The following COL1A2 variants were observed in gnomAD, a reference collection of about 807,000 sequenced individuals.
The protein encoded by COL1A2 is collagen alpha-2(I) chain.
Under a neutral mutation model 174.3 loss-of-function variants are expected in COL1A2, and 49 were observed. That is an observed-to-expected ratio of 0.28 (90% CI 0.22 to 0.36). COL1A2 has a LOEUF of 0.36. Ranked by LOEUF, COL1A2 falls within the 10% of genes least tolerant of loss-of-function variation. The pLI is 1.00. For missense variants in COL1A2, 1,438 were observed against 1,822.7 expected (o/e 0.79, Z 3.84); for synonymous variants, 655 against 606.6 (o/e 1.08, Z -1.17).
In COL1A2 at chr7:94,408,802, C is replaced by A; in HGVS notation, c.771C>A (p.Phe257Leu). 2 of 1,612,688 alleles carry A rather than the reference C, an allele frequency of 1.2e-6. No homozygotes were observed. Among genetic ancestry groups the A allele is most frequent in the Non-Finnish European group, 1.7e-6 (2 of 1,179,460 alleles). ...TTGGGTCTGCTGGCCCTCCAGGCTT[C>A]CCAGGTGCCCCTGGCCCCAAGGTAA... ...GPIGSAGPPG[F>L]PGAPGPKGEI... The change falls in exon 16 of 52, where the codon TTC becomes TTA. Residue 257 changes from phenylalanine to leucine, a missense_variant. Coordinates refer to ENST00000297268, the MANE Select transcript of COL1A2 (RefSeq NM_000089.4).
At chr7:94,397,560 G>A (rs1484712182) in intron 1 of COL1A2, among the ~76,000 whole-genome samples, 188 bp from the exon 2 acceptor site, 1 of 151,692 alleles carries the variant, frequency 6.6e-6, no homozygotes, top group Non-Finnish European at 1.5e-5. Flanking sequence ...AAATCACCCT[G>A]CTGATCCCTG....
intron 40 of COL1A2, 154 bp downstream of exon 40, chr7:94,423,272 A>AG: frequency 2.3e-6 from 2 of 865,816 alleles, no homozygotes; most frequent in East Asian, 5.3e-5. Flanking sequence ...GCACACACTG[A>AG]GGGGCTGTGG....
intron 50 of COL1A2, among the ~76,000 whole-genome samples, chr7:94,428,805 T>C (rs754877344): frequency 2.0e-5 from 3 of 152,240 alleles, no homozygotes; most frequent in Admixed American, 6.5e-5. Flanking sequence ...TTTTCTGAAT[T>C]TTTAATCAAA....
intron 50 of COL1A2, 109 bp downstream of exon 50, chr7:94,428,586 G>T (rs1188850581): frequency 3.8e-6 from 4 of 1,063,728 alleles, no homozygotes; most frequent in Non-Finnish European, 5.6e-6. Flanking sequence ...ATTAAAAAAA[G>T]ACCTGTTCCT....
At chr7:94,414,109 C>T (rs757535485) in intron 28 of COL1A2, 113 bp from the exon 29 acceptor site, 11 of 1,312,752 alleles carry the variant, frequency 8.4e-6, no homozygotes, top group Admixed American at 1.8e-5. Flanking sequence ...TGCTTAATAA[C>T]ATACAATCGT....
At chr7:94,423,284 T>G (rs1031474763) in intron 40 of COL1A2, 166 bp downstream of exon 40, 13 of 770,112 alleles carry the variant, frequency 1.7e-5, no homozygotes, top group African/African-American at 3.5e-5. Context: ...GGGCTGTGGC[T>G]TCCAAGATGC....
rs754562962 is a variant in COL1A2 at position 94,421,931 on chromosome 7, G to C, written c.2382G>C (p.Arg794=). Residue 794 remains arginine, a synonymous_variant, in exon 39 of 52, where the codon CGG becomes CGC. Coordinates refer to ENST00000297268, the MANE Select transcript of COL1A2 (RefSeq NM_000089.4). The part of the protein sequence containing the change: ...GMTGFPGAAG[R]TGPPGPSGIS... ...CTGGTTTCCCTGGTGCTGCTGGACG[G>C]ACTGGTCCCCCAGGACCCTCTGTAA... 3.7e-6 allele frequency: 6 copies of C among 1,614,100 alleles called. No individual in the cohort carries two copies. In the Admixed American group the frequency reaches 1.0e-4, roughly 27 times the overall value.
At chr7:94,408,035 A>AT in intron 13 of COL1A2, 144 bp downstream of exon 13, 2 of 1,161,828 alleles carry the variant, frequency 1.7e-6, no homozygotes, top group Non-Finnish European at 2.5e-6. Context: ...CTTAATTGAA[A>AT]TCCACTACTG....
At chr7:94,426,205 T>C (rs904266581) in intron 45 of COL1A2, among the ~76,000 whole-genome samples, 154 bp downstream of exon 45, 2 of 152,248 alleles carry the variant, frequency 1.3e-5, no homozygotes, top group African/African-American at 4.8e-5. Context: ...ACTTGAGCTA[T>C]TTTAAATCTC....
At chr7:94,398,860 A>AG (rs1426774494) in intron 3 of COL1A2, among the ~76,000 whole-genome samples, 189 bp from the exon 4 acceptor site, 4 of 152,144 alleles carry the variant, frequency 2.6e-5, no homozygotes, top group African/African-American at 9.6e-5. Flanking sequence ...AGCTGAAAAA[A>AG]AATTACGTAT....
In COL1A2 at chr7:94,395,769, G is replaced by C. The variant is rs57703640; in HGVS notation, c.70+668G>C. Among the ~76,000 whole-genome samples the C allele has an allele frequency of 1.1e-3, 175 of 152,198 alleles. 1 individual carries two copies. The highest frequency in any genetic ancestry group is 4.0e-3 in the African/African-American group (165 of 41,502). ...TCCCAGTGGCTAGTCAGTGAACCCTGGAAAGAAGAATGGATGCTACTTGGA... is the reference window on the plus strand; with the variant it reads ...TCCCAGTGGCTAGTCAGTGAACCCTCGAAAGAAGAATGGATGCTACTTGGA... On this transcript the variant is annotated intron_variant, in intron 1 of 51. Transcript: ENST00000297268.
intron 16 of COL1A2, among the ~76,000 whole-genome samples, 192 bp downstream of exon 16, chr7:94,409,015 C>T (rs1791861869): frequency 6.6e-6 from 1 of 152,040 alleles, no homozygotes; most frequent in South Asian, 2.1e-4. Flanking sequence ...CTGCACTGTG[C>T]ACTGTGCCCA....
intron 34 of COL1A2, 53 bp downstream of exon 34, chr7:94,419,604 C>T (rs975804378): frequency 1.3e-6 from 2 of 1,598,642 alleles, no homozygotes. Flanking sequence ...TTCCCGCCTT[C>T]CCTAGTCCCA....
intron 15 of COL1A2, 109 bp from the exon 16 acceptor site, chr7:94,408,661 A>G: frequency 8.3e-7 from 1 of 1,199,646 alleles, no homozygotes. Flanking sequence ...TTTCTTTACT[A>G]ATATAAACAG....
chr7:94,413,668 C>T, intron 26 of COL1A2, 22 bp from the exon 27 acceptor site: 1 of 1,613,210 alleles, frequency 6.2e-7, no homozygotes, highest in Non-Finnish European at 8.5e-7. Context: ...TAACCATCAG[C>T]CTTTCTGTTA....
intron 51 of COL1A2, 122 bp downstream of exon 51, chr7:94,429,552 C>G: frequency 1.0e-6 from 1 of 967,506 alleles, no homozygotes; most frequent in Non-Finnish European, 1.6e-6. Flanking sequence ...AGAGAACTAA[C>G]TTATTTCATA....
chr7:94,409,409 G>A lies in COL1A2; in HGVS notation c.880G>A (p.Val294Ile), dbSNP rs145693444. ...EVGLPGLSGP[V>I]GPPGNPGANG... is the part of the protein sequence containing the mutation. Reference sequence around the variant, plus strand: ...GGGTCTTCCAGGCCTCTCCGGCCCCGTTGGACCTCCTGTAAGTAGCCACTG... The same window carrying A: ...GGGTCTTCCAGGCCTCTCCGGCCCCATTGGACCTCCTGTAAGTAGCCACTG... Residue 294 changes from valine (V) to isoleucine (I), a missense_variant, in exon 17 of 52, where the codon GTT (valine) becomes ATT (isoleucine). Physicochemically the swap from Val to Ile is conservative, Grantham distance 29. Coordinates refer to ENST00000297268, the MANE Select transcript of COL1A2 (RefSeq NM_000089.4). The A allele has an allele frequency of 4.2e-5, 68 of 1,614,044 alleles. No individual in the cohort carries two copies. Among genetic ancestry groups the A allele is most frequent in the Admixed American group, 2.5e-4 (15 of 59,992 alleles).
intron 46 of COL1A2, 64 bp downstream of exon 46, chr7:94,426,594 T>G (rs1241335140): frequency 3.2e-6 from 4 of 1,236,604 alleles, no homozygotes; most frequent in Non-Finnish European, 4.7e-6. Context: ...CAGAAGGATT[T>G]TCATATTTTC....
chr7:94,403,858 T>C (rs529268921), intron 6 of COL1A2, among the ~76,000 whole-genome samples: 8 of 152,314 alleles, frequency 5.3e-5, no homozygotes, highest in African/African-American at 1.9e-4. Flanking sequence ...ATTAACAGCC[T>C]GTTTTACCCT....
Sources: gnomAD v4.1 joint callset for allele counts (sites outside exome capture counted in the v4.1 genomes callset) on GRCh38, gnomAD v4.1.1 for gene constraint, MANE v1.5 for transcripts, NCBI Gene and HGNC (gene_info 2026-07-23, HGNC 2026-07-21) for gene names.